DSCAM: variants seen among roughly 807,000 people sequenced by gnomAD.
The protein encoded by DSCAM is DS cell adhesion molecule, also known as cell adhesion molecule DSCAM.
A neutral mutation model predicts 217.7 loss-of-function variants in DSCAM; 47 were observed. The ratio of observed to expected loss-of-function variants is 0.22; its 90% confidence interval spans 0.17 to 0.28. The LOEUF is 0.28. Ranked by LOEUF, DSCAM falls within the 10% of genes least tolerant of loss-of-function variation. The probability of loss-of-function intolerance (pLI) is 1.00; values close to 1 mark genes in which losing one functional copy is unlikely to be tolerated. For synonymous variants in DSCAM, 1,056 were observed against 1,015.3 expected, an observed-to-expected ratio of 1.04 and a Z score of -0.76; for missense variants, 2,080 against 2,618.3, an observed-to-expected ratio of 0.79 and a Z score of 4.49.
intron 3 of DSCAM, among the ~76,000 whole-genome samples, chr21:40,425,477 C>T (rs1009984123): frequency 2.6e-5 from 4 of 151,656 alleles, no homozygotes; most frequent in Non-Finnish European, 5.9e-5. Flanking sequence ...ACGTTGTGTA[C>T]ATGTACCTTA....
At chr21:40,485,419 T>C (rs1472663087) in intron 3 of DSCAM, among the ~76,000 whole-genome samples, 1 of 150,538 alleles carries the variant, frequency 6.6e-6, no homozygotes, top group Non-Finnish European at 1.5e-5. Context: ...ATTTTTTGTA[T>C]TTTTAGTAGA....
intron 10 of DSCAM, among the ~76,000 whole-genome samples, chr21:40,292,803 C>G (rs1425499810): frequency 6.6e-6 from 1 of 151,744 alleles, no homozygotes. Flanking sequence ...AGTGCAGTGG[C>G]GTGATCTCAG....
intron 1 of DSCAM, among the ~76,000 whole-genome samples, chr21:40,796,220 C>T (rs1183176964): frequency 6.6e-6 from 1 of 152,152 alleles, no homozygotes; most frequent in Non-Finnish European, 1.5e-5. Flanking sequence ...TCAGGCTTGG[C>T]CATGTTCCTG....
chr21:40,163,289 A>T (rs560311126), intron 16 of DSCAM, among the ~76,000 whole-genome samples: 1 of 152,354 alleles, frequency 6.6e-6, no homozygotes, highest in Non-Finnish European at 1.5e-5. Flanking sequence ...TACAATGTTC[A>T]GGTACTTCAT....
chr21:40,833,495 T>C (rs1352072663), intron 1 of DSCAM, among the ~76,000 whole-genome samples: 2 of 152,132 alleles, frequency 1.3e-5, no homozygotes, highest in Non-Finnish European at 2.9e-5. Flanking sequence ...TTAATCACAT[T>C]ATAATTTAAT....
At chr21:40,818,064 C>T (rs1431145134) in intron 1 of DSCAM, among the ~76,000 whole-genome samples, 8 of 127,098 alleles carry the variant, frequency 6.3e-5, no homozygotes, top group African/African-American at 2.4e-4. Flanking sequence ...CCACTGCAGT[C>T]CGCAGTCCGG....
chr21:40,342,648 A>ATTTTT lies in DSCAM; in HGVS notation c.1211-3238_1211-3234dup, dbSNP rs1202355440. Among the ~76,000 whole-genome samples, 109 of 80,320 alleles carry ATTTTT rather than the reference A, an allele frequency of 1.4e-3. 3 individuals are homozygous for ATTTTT. Among genetic ancestry groups the ATTTTT allele is most frequent in the African/African-American group, 3.3e-3 (64 of 19,196 alleles). 52.7% of individuals were successfully genotyped at this position (80,320 alleles called of 152,430 possible). On this transcript the variant is annotated intron_variant, in intron 6 of 32. Transcript: ENST00000400454. Reference sequence around the variant, plus strand: ...TGTGTATATATATATATATATATATATTTTTTTTTTTTTTTTGAGACAGTG... The same window carrying ATTTTT: ...TGTGTATATATATATATATATATATATTTTTTTTTTTTTTTTTTTTTGAGACAGTG...
chr21:40,527,456 G>C (rs890983250), intron 3 of DSCAM, among the ~76,000 whole-genome samples: 4 of 152,110 alleles, frequency 2.6e-5, no homozygotes, highest in African/African-American at 9.7e-5. Context: ...AGGTAGTCTA[G>C]GGTTGCCTGC....
At chr21:40,272,496 A>G (rs1282870395) in intron 11 of DSCAM, among the ~76,000 whole-genome samples, 3 of 152,152 alleles carry the variant, frequency 2.0e-5, no homozygotes, top group Non-Finnish European at 2.9e-5. Context: ...ATGTGTGTGT[A>G]TGTGGTGGGT....
intron 3 of DSCAM, among the ~76,000 whole-genome samples, chr21:40,437,711 C>A (rs764964706): frequency 6.6e-6 from 1 of 151,882 alleles, no homozygotes; most frequent in East Asian, 1.9e-4. Context: ...ATTAGCCAGG[C>A]GTGGTGGTGG....
At chr21:40,640,499 A>G (rs2089864699) in intron 3 of DSCAM, among the ~76,000 whole-genome samples, 1 of 152,206 alleles carries the variant, frequency 6.6e-6, no homozygotes, top group South Asian at 2.1e-4. Context: ...CAACTGCATT[A>G]TGAAATTTTA....
At chr21:40,266,653 A>G (rs1479253408) in intron 11 of DSCAM, among the ~76,000 whole-genome samples, 3 of 124,364 alleles carry the variant, frequency 2.4e-5, no homozygotes, top group Admixed American at 9.3e-5. Flanking sequence ...ATATATATAT[A>G]TATATATATA....
chr21:40,581,886 C>T (rs949041385), intron 3 of DSCAM, among the ~76,000 whole-genome samples: 14 of 152,038 alleles, frequency 9.2e-5, no homozygotes, highest in Admixed American at 3.3e-4. Context: ...AACAAAGTAA[C>T]GCAATCAAAC....
intron 11 of DSCAM, among the ~76,000 whole-genome samples, chr21:40,272,309 C>T (rs1026505258): frequency 5.9e-5 from 9 of 152,072 alleles, no homozygotes; most frequent in African/African-American, 2.2e-4. Context: ...AAACATAAAC[C>T]AGAATTGTGA....
intron 3 of DSCAM, among the ~76,000 whole-genome samples, chr21:40,376,637 T>TAG (rs2074963596): frequency 3.7e-4 from 20 of 54,584 alleles, no homozygotes; most frequent in Middle Eastern, 7.8e-3. Flanking sequence ...CTATATATCT[T>TAG]ATATAGATAT....
intron 14 of DSCAM, among the ~76,000 whole-genome samples, chr21:40,179,898 G>A (rs1389172206): frequency 6.6e-6 from 1 of 152,172 alleles, no homozygotes; most frequent in Non-Finnish European, 1.5e-5. Context: ...GTGTGTGGTC[G>A]ACAGCTGGTA....
intron 8 of DSCAM, among the ~76,000 whole-genome samples, chr21:40,334,186 T>C (rs907801824): frequency 1.4e-4 from 21 of 152,092 alleles, no homozygotes; most frequent in Non-Finnish European, 4.4e-5. Context: ...CATCATCTAT[T>C]CACTGATGTC....
At chr21:40,141,546 G>C (rs1159324152) in intron 18 of DSCAM, among the ~76,000 whole-genome samples, 1 of 152,172 alleles carries the variant, frequency 6.6e-6, no homozygotes, top group Non-Finnish European at 1.5e-5. Context: ...GGCCCGGGGA[G>C]GTGGAGAGTT....
At chr21:40,549,444 T>G (rs2076612227) in intron 3 of DSCAM, among the ~76,000 whole-genome samples, 1 of 152,076 alleles carries the variant, frequency 6.6e-6, no homozygotes, top group South Asian at 2.1e-4. Flanking sequence ...TACTTGCGCT[T>G]AGGAAGAGAA....
Sources: allele counts gnomAD v4.1 joint callset (sites outside exome capture counted in the v4.1 genomes callset), GRCh38; gene constraint gnomAD v4.1.1; transcripts MANE v1.5; gene names NCBI Gene and HGNC (gene_info 2026-07-23, HGNC 2026-07-21).